TRMT11: variants seen among roughly 807,000 people sequenced by gnomAD.
TRMT11 encodes the protein tRNA methyltransferase 11, also known as tRNA (guanine(10)-N(2))-methyltransferase TRMT11.
A neutral mutation model predicts 62.8 loss-of-function variants in TRMT11; 53 were observed. That is an observed-to-expected ratio of 0.84 (90% CI 0.68 to 1.06). The LOEUF (loss-of-function observed/expected upper bound fraction) is 1.06. TRMT11 is among the 50% of genes least tolerant of loss of function. The probability of loss-of-function intolerance (pLI) is 0.00; values close to 1 mark genes in which losing one functional copy is unlikely to be tolerated. For missense variants in TRMT11, 556 were observed against 553.4 expected, an observed-to-expected ratio of 1.00 and a Z score of -0.05; for synonymous variants, 188 against 190.3, an observed-to-expected ratio of 0.99 and a Z score of 0.10.
intron 10 of TRMT11, 33 bp downstream of exon 10, chr6:126,012,885 C>T: frequency 4.4e-6 from 7 of 1,608,702 alleles, no homozygotes; most frequent in Non-Finnish European, 6.0e-6. Flanking sequence ...GTGTTACTAC[C>T]TTGAGAAGAG....
the TRMT11 span, among the ~76,000 whole-genome samples, chr6:126,224,272 A>C: frequency 6.6e-6 from 1 of 152,172 alleles, no homozygotes; most frequent in East Asian, 1.9e-4. Flanking sequence ...TTGTGGGTTG[A>C]TGAGAATTCT....
intron 1 of TRMT11, among the ~76,000 whole-genome samples, chr6:126,197,006 T>C (rs1001435871): frequency 2.0e-5 from 3 of 152,180 alleles, no homozygotes; most frequent in Admixed American, 6.5e-5. Flanking sequence ...AGCCCCAAAA[T>C]TTTGAAGTTC....
chr6:126,062,512 G>A (rs1776565267), intron 17 of TRMT11, among the ~76,000 whole-genome samples: 1 of 152,192 alleles, frequency 6.6e-6, no homozygotes. Flanking sequence ...TAACTTTGGT[G>A]TGGTTTTATT....
At chr6:126,239,438 A>G in the TRMT11 span, among the ~76,000 whole-genome samples, 1 of 151,986 alleles carries the variant, frequency 6.6e-6, no homozygotes, top group Non-Finnish European at 1.5e-5. Context: ...GCTTGTCTAT[A>G]AAGTATTTTA....
chr6:126,173,159 T>C (rs1778349050), upstream of TRMT11, among the ~76,000 whole-genome samples: 1 of 152,000 alleles, frequency 6.6e-6, no homozygotes, highest in Non-Finnish European at 1.5e-5. Context: ...GGAGCTAACA[T>C]TCTATTCTAG....
At chr6:126,229,864 TA>T in the TRMT11 span, among the ~76,000 whole-genome samples, 1 of 152,182 alleles carries the variant, frequency 6.6e-6, no homozygotes, top group Non-Finnish European at 1.5e-5. Context: ...TATGTAGTCT[TA>T]AAAGCGTTGT....
intron 17 of TRMT11, among the ~76,000 whole-genome samples, chr6:126,070,549 A>C (rs1776822547): frequency 6.6e-6 from 1 of 152,204 alleles, no homozygotes; most frequent in Non-Finnish European, 1.5e-5. Context: ...TCATCCCGTT[A>C]GTGGGAGGGT....
At chr6:126,223,707 C>T in the TRMT11 span, among the ~76,000 whole-genome samples, 1 of 152,200 alleles carries the variant, frequency 6.6e-6, no homozygotes, top group Admixed American at 6.5e-5. Flanking sequence ...GTTGTCCTCT[C>T]TAGCAAGGTT....
chr6:126,096,369 G>C (rs1003369541), intron 17 of TRMT11, among the ~76,000 whole-genome samples: 9 of 152,050 alleles, frequency 5.9e-5, no homozygotes, highest in Non-Finnish European at 1.2e-4. Flanking sequence ...TCTGCACAAT[G>C]GAAGACCATT....
chr6:126,164,490 T>C (rs549548968), intron 21 of TRMT11, among the ~76,000 whole-genome samples: 61 of 152,346 alleles, frequency 4.0e-4, no homozygotes, highest in African/African-American at 1.4e-3. Context: ...GTGTATTAGG[T>C]CCACTTGATC....
chr6:126,244,486 G>A, the TRMT11 span, among the ~76,000 whole-genome samples: 1 of 152,104 alleles, frequency 6.6e-6, no homozygotes, highest in East Asian at 1.9e-4. Context: ...CAAAAGTTAT[G>A]ATTGAAATGC....
chr6:126,029,457 C>G (rs185604554), intron 12 of TRMT11, among the ~76,000 whole-genome samples: 307 of 152,126 alleles, frequency 2.0e-3, no homozygotes, highest in African/African-American at 7.1e-3. Context: ...TCTTGCTTTT[C>G]TTTTGTAATA....
the TRMT11 span, among the ~76,000 whole-genome samples, chr6:126,236,073 A>G: frequency 4.6e-5 from 7 of 152,236 alleles, no homozygotes; most frequent in Admixed American, 1.3e-4. Context: ...ATTCTCCTAA[A>G]TGGACTTAAC....
At chr6:126,217,041 C>T in the TRMT11 span, among the ~76,000 whole-genome samples, 1 of 152,160 alleles carries the variant, frequency 6.6e-6, no homozygotes, top group South Asian at 2.1e-4. Flanking sequence ...ATGCATTCTA[C>T]AATATGTCAG....
chr6:126,093,577 ATATG>A (rs1469442727), intron 17 of TRMT11, among the ~76,000 whole-genome samples: 3 of 83,940 alleles, frequency 3.6e-5, no homozygotes, highest in African/African-American at 1.0e-4. Context: ...AGGTAACAGG[ATATG>A]TATGTATATA....
At chr6:126,244,749 G>A in the TRMT11 span, among the ~76,000 whole-genome samples, 2 of 152,086 alleles carry the variant, frequency 1.3e-5, no homozygotes, top group Admixed American at 1.3e-4. Context: ...ACTCCATACA[G>A]GAACTATCAG....
intron 7 of TRMT11, among the ~76,000 whole-genome samples, chr6:126,001,488 G>A (rs574921742): frequency 6.6e-6 from 1 of 152,200 alleles, no homozygotes; most frequent in African/African-American, 2.4e-5. Context: ...CTTCTCAGGG[G>A]TGTGTACATG....
intron 12 of TRMT11, among the ~76,000 whole-genome samples, chr6:126,026,478 T>C (rs1045466144): frequency 2.6e-5 from 4 of 152,000 alleles, no homozygotes; most frequent in African/African-American, 9.7e-5. Context: ...CTCCGCCTTC[T>C]GGGTTCAAGT....
intron 17 of TRMT11, among the ~76,000 whole-genome samples, chr6:126,061,007 C>G (rs1383167795): frequency 6.6e-6 from 1 of 152,184 alleles, no homozygotes; most frequent in Non-Finnish European, 1.5e-5. Context: ...TGCCAAAAGG[C>G]AAGTGGTTTC....
Sources: allele counts gnomAD v4.1 joint callset (sites outside exome capture counted in the v4.1 genomes callset), GRCh38; gene constraint gnomAD v4.1.1; transcripts MANE v1.5; gene names NCBI Gene and HGNC (gene_info 2026-07-23, HGNC 2026-07-21).